The following CCDC85A variants were observed in gnomAD, a reference collection of about 807,000 sequenced individuals.
CCDC85A encodes coiled-coil domain-containing protein 85A.
In CCDC85A, 38 loss-of-function variants were observed where a neutral mutation model predicts 50.2. The ratio of observed to expected loss-of-function variants is 0.76; its 90% CI spans 0.58 to 0.99. The LOEUF is 0.99. CCDC85A is among the 50% of genes least tolerant of loss of function. The pLI is 0.00. For synonymous variants in CCDC85A, 366 were observed against 301.4 expected (o/e 1.21, Z -2.22); for missense variants, 820 against 742.0 (o/e 1.11, Z -1.22).
chr2:56,323,442 G>A lies in CCDC85A; in HGVS notation c.1241-19437G>A, dbSNP rs138102592. On this transcript the variant is annotated intron_variant, in intron 2 of 5. Transcript: ENST00000407595. The stretch of plus-strand genomic sequence containing the variant: ...GAGGTTTTATTTTCAAGATAACTTT[G>A]GTGCTACTCTATCATCTGCTTGCTA... Among the ~76,000 whole-genome samples the A allele has an allele frequency of 2.4e-3, 371 of 152,102 alleles. 1 individual carries two copies. The highest frequency in any genetic ancestry group is 8.5e-3 in the African/African-American group (354 of 41,512).
intron 2 of CCDC85A, among the ~76,000 whole-genome samples, chr2:56,300,208 T>C (rs977723065): frequency 1.3e-5 from 2 of 152,114 alleles, no homozygotes; most frequent in African/African-American, 2.4e-5. Flanking sequence ...AGCCCTCCTA[T>C]GGGGAAGGAA....
At chr2:56,364,462 G>A (rs2104376143) in intron 3 of CCDC85A, among the ~76,000 whole-genome samples, 1 of 152,246 alleles carries the variant, frequency 6.6e-6, no homozygotes, top group East Asian at 1.9e-4. Context: ...GTGATACAGT[G>A]AGCACTGCAT....
intron 4 of CCDC85A, among the ~76,000 whole-genome samples, chr2:56,375,396 A>T (rs2104397170): frequency 6.6e-6 from 1 of 152,360 alleles, no homozygotes; most frequent in East Asian, 1.9e-4. Flanking sequence ...TAAGAGACAC[A>T]GTTTCTCCAA....
chr2:56,189,466 A>G (rs1384788825), intron 1 of CCDC85A, among the ~76,000 whole-genome samples: 1 of 151,444 alleles, frequency 6.6e-6, no homozygotes, highest in Non-Finnish European at 1.5e-5. Context: ...TAATTTTTGT[A>G]TTTTTAGTAG....
At chr2:56,352,771 A>G (rs915774518) in intron 3 of CCDC85A, among the ~76,000 whole-genome samples, 2 of 152,220 alleles carry the variant, frequency 1.3e-5, no homozygotes, top group African/African-American at 4.8e-5. Context: ...TCGGAGAGGC[A>G]CTGTGAATTG....
At chr2:56,210,418 T>G (rs1019397637) in intron 2 of CCDC85A, among the ~76,000 whole-genome samples, 14 of 152,094 alleles carry the variant, frequency 9.2e-5, no homozygotes, top group African/African-American at 3.4e-4. Context: ...GTTCTGGTTT[T>G]CTATTGCCAT....
chr2:56,310,298 G>A (rs1672631535), intron 2 of CCDC85A, among the ~76,000 whole-genome samples: 1 of 152,112 alleles, frequency 6.6e-6, no homozygotes, highest in African/African-American at 2.4e-5. Flanking sequence ...CCTAATACAG[G>A]ACACAGTTTT....
intron 2 of CCDC85A, among the ~76,000 whole-genome samples, chr2:56,318,156 A>G (rs1231461020): frequency 6.6e-6 from 1 of 152,154 alleles, no homozygotes; most frequent in Admixed American, 6.6e-5. Context: ...TTTGAGACAT[A>G]TATAAGACTT....
intron 4 of CCDC85A, among the ~76,000 whole-genome samples, chr2:56,374,254 G>A (rs1284567013): frequency 1.3e-5 from 2 of 152,068 alleles, no homozygotes; most frequent in Non-Finnish European, 1.5e-5. Flanking sequence ...GGACCTGACT[G>A]GATTATAGAA....
At chr2:56,330,770 CG>C (rs1673749154) in intron 2 of CCDC85A, among the ~76,000 whole-genome samples, 1 of 152,000 alleles carries the variant, frequency 6.6e-6, no homozygotes. Context: ...ATGTACTGTT[CG>C]TGGGAATGTA....
rs949034924 is a variant in CCDC85A at position 56,184,636 on chromosome 2, G to A, written c.12G>A (p.Ala4=). The change falls in exon 1 of 6, where the codon GCG becomes GCA. Residue 4 remains alanine, a synonymous_variant. Transcript: ENST00000407595. MSK[A]AGGAAAAAAA... ...ACCCCGCGGATACCATGTCGAAGGC[G>A]GCCGGAGGCGCGGCGGCGGCTGCGG... is the stretch of plus-strand genomic sequence containing the variant. 10 of 1,431,548 alleles carry A rather than the reference G, an allele frequency of 7.0e-6. No individual in the cohort carries two copies. Among genetic ancestry groups the A allele is most frequent in the Non-Finnish European group, 9.0e-6 (10 of 1,106,418 alleles). The allele number at this position is 1,431,548 out of a possible 1,614,324, so 88.7% of individuals were successfully genotyped here.
intron 2 of CCDC85A, among the ~76,000 whole-genome samples, chr2:56,227,489 C>G (rs1668592854): frequency 2.0e-5 from 3 of 152,106 alleles, no homozygotes. Context: ...TGTCTTTTAA[C>G]AAGTGTTCCA....
At chr2:56,283,891 T>C (rs1257138821) in intron 2 of CCDC85A, among the ~76,000 whole-genome samples, 5 of 152,154 alleles carry the variant, frequency 3.3e-5, no homozygotes, top group East Asian at 1.9e-4. Context: ...TTGTATTACC[T>C]ATATCATTTT....
intron 3 of CCDC85A, among the ~76,000 whole-genome samples, chr2:56,367,119 T>C (rs1403704422): frequency 6.6e-6 from 1 of 152,078 alleles, no homozygotes; most frequent in African/African-American, 2.4e-5. Context: ...TTCTGCCAAT[T>C]GTATTCTCTA....
intron 3 of CCDC85A, among the ~76,000 whole-genome samples, chr2:56,347,945 G>T (rs1308815077): frequency 1.3e-5 from 2 of 152,110 alleles, no homozygotes; most frequent in African/African-American, 4.8e-5. Flanking sequence ...TCTTTAAATG[G>T]ATGATATAGA....
chr2:56,207,307 C>T (rs1351016791), intron 2 of CCDC85A, among the ~76,000 whole-genome samples: 1 of 152,168 alleles, frequency 6.6e-6, no homozygotes, highest in Non-Finnish European at 1.5e-5. Flanking sequence ...TAGGCAGGCT[C>T]TGCCACCCCA....
intron 2 of CCDC85A, among the ~76,000 whole-genome samples, chr2:56,338,592 T>C (rs1380826896): frequency 6.6e-6 from 1 of 152,180 alleles, no homozygotes; most frequent in Non-Finnish European, 1.5e-5. Context: ...GTTGAGTTTC[T>C]TATACTTTAT....
At chr2:56,278,618 G>A (rs1226421671) in intron 2 of CCDC85A, among the ~76,000 whole-genome samples, 2 of 151,990 alleles carry the variant, frequency 1.3e-5, no homozygotes, top group Non-Finnish European at 2.9e-5. Context: ...CTGTTGCCCA[G>A]GCTGGAATGC....
intron 2 of CCDC85A, among the ~76,000 whole-genome samples, chr2:56,289,768 T>C (rs1057362551): frequency 6.6e-6 from 1 of 152,212 alleles, no homozygotes; most frequent in South Asian, 2.1e-4. Flanking sequence ...AGTTTTCAAT[T>C]AATGAAGCTT....
Sources: gnomAD v4.1 joint callset for allele counts (sites outside exome capture counted in the v4.1 genomes callset) on GRCh38, gnomAD v4.1.1 for gene constraint, MANE v1.5 for transcripts, NCBI Gene and HGNC (gene_info 2026-07-23, HGNC 2026-07-21) for gene names.